The following KLF12 variants were observed in gnomAD, a reference collection of about 807,000 sequenced individuals.
The protein encoded by KLF12 is KLF transcription factor 12, also known as Krueppel-like factor 12.
In KLF12, 9 loss-of-function variants were observed where a neutral mutation model predicts 37.8. The ratio of observed to expected loss-of-function variants is 0.24; its 90% CI spans 0.14 to 0.42. The LOEUF (loss-of-function observed/expected upper bound fraction) is 0.42, where lower values mean the gene tolerates loss of function less well. KLF12 is among the 10% of genes least tolerant of loss of function. The probability of loss-of-function intolerance (pLI) is 1.00; values close to 1 mark genes in which losing one functional copy is unlikely to be tolerated. For synonymous variants in KLF12, 208 were observed against 202.1 expected (o/e 1.03, Z -0.25); for missense variants, 411 against 516.0 (o/e 0.80, Z 1.97).
At chr13:74,254,690 C>T in the KLF12 span, among the ~76,000 whole-genome samples, 36 of 152,062 alleles carry the variant, frequency 2.4e-4, no homozygotes, top group Non-Finnish European at 4.0e-4. Context: ...ATGTGAGGCT[C>T]GGAGCTAGAC....
chr13:73,706,124 T>TA (rs1874927768), intron 7 of KLF12, among the ~76,000 whole-genome samples: 1 of 152,128 alleles, frequency 6.6e-6, no homozygotes, highest in South Asian at 2.1e-4. Flanking sequence ...TGTACTCCTC[T>TA]AGCCTGGCGA....
the KLF12 span, among the ~76,000 whole-genome samples, chr13:74,254,223 A>G: frequency 2.0e-5 from 3 of 152,050 alleles, no homozygotes; most frequent in African/African-American, 7.2e-5. Flanking sequence ...GTCTTTACTG[A>G]TTGGAGTGGA....
At chr13:74,137,267 G>A (rs1240195322), upstream of KLF12, among the ~76,000 whole-genome samples, 1 of 152,140 alleles carries the variant, frequency 6.6e-6, no homozygotes, top group East Asian at 1.9e-4. Flanking sequence ...AATTCAAGAG[G>A]ACCATGTAAA....
chr13:73,783,404 C>T lies in KLF12; in HGVS notation c.807-18404G>A, dbSNP rs1331265717. Among the ~76,000 whole-genome samples, 7 of 151,966 alleles carry T rather than the reference C, an allele frequency of 4.6e-5. No homozygotes were observed. In the East Asian group the frequency reaches 5.8e-4, roughly 13 times the overall value. On this transcript the variant is annotated intron_variant, in intron 5 of 7. Transcript: ENST00000377669. ...ATAAACTAAATAGAATAAGTTCCAG[C>T]GTTTGATAGAGCACAGTAGGGTGAC...
At chr13:73,989,266 A>G (rs1442019940) in intron 2 of KLF12, among the ~76,000 whole-genome samples, 1 of 152,250 alleles carries the variant, frequency 6.6e-6, no homozygotes, top group Non-Finnish European at 1.5e-5. Flanking sequence ...AATACTGTGA[A>G]ATGTGAGAGG....
chr13:74,108,159 A>G (rs748967718), intron 1 of KLF12, among the ~76,000 whole-genome samples: 12 of 152,196 alleles, frequency 7.9e-5, no homozygotes, highest in Non-Finnish European at 1.5e-4. Flanking sequence ...TTATTTTAAC[A>G]TATGTCCCTC....
chr13:73,768,213 T>C (rs1880045492), intron 5 of KLF12, among the ~76,000 whole-genome samples: 1 of 152,158 alleles, frequency 6.6e-6, no homozygotes, highest in African/African-American at 2.4e-5. Flanking sequence ...GAGGTAATAA[T>C]GGGGCCTATT....
chr13:73,808,153 T>C (rs1357304563), intron 5 of KLF12, among the ~76,000 whole-genome samples: 2 of 152,172 alleles, frequency 1.3e-5, no homozygotes, highest in Non-Finnish European at 2.9e-5. Context: ...TGTCAAGTTG[T>C]TAAGGGTAAT....
chr13:74,136,433 A>G (rs533562056), upstream of KLF12, among the ~76,000 whole-genome samples: 37 of 152,306 alleles, frequency 2.4e-4, no homozygotes, highest in South Asian at 4.6e-3. Context: ...ACTTGCCTCT[A>G]CTAGAATCAC....
intron 2 of KLF12, among the ~76,000 whole-genome samples, chr13:73,986,246 C>T (rs1233523665): frequency 6.6e-6 from 1 of 152,140 alleles, no homozygotes; most frequent in Non-Finnish European, 1.5e-5. Flanking sequence ...AAACAATCTA[C>T]TGTTTGCAAA....
chr13:74,223,017 C>T, the KLF12 span, among the ~76,000 whole-genome samples: 1 of 152,160 alleles, frequency 6.6e-6, no homozygotes, highest in Non-Finnish European at 1.5e-5. Flanking sequence ...AAACAAAGTA[C>T]TTTGAATCAA....
chr13:74,074,463 G>A (rs1443831350), intron 1 of KLF12, among the ~76,000 whole-genome samples: 2 of 152,000 alleles, frequency 1.3e-5, no homozygotes, highest in African/African-American at 4.8e-5. Flanking sequence ...CATCTAACTG[G>A]ACTCTGATCT....
At chr13:73,784,129 A>C (rs75026017) in intron 5 of KLF12, among the ~76,000 whole-genome samples, 2,179 of 152,292 alleles carry the variant, frequency 0.014, 57 homozygotes, top group African/African-American at 0.049. Context: ...AATTAAAAGA[A>C]GGAAAAGAAG....
chr13:74,023,371 A>C (rs570633830), intron 1 of KLF12, among the ~76,000 whole-genome samples: 1 of 152,336 alleles, frequency 6.6e-6, no homozygotes, highest in South Asian at 2.1e-4. Context: ...CAGGTGTATT[A>C]GTTTCCTAGG....
intron 7 of KLF12, among the ~76,000 whole-genome samples, chr13:73,699,706 A>G (rs977866079): frequency 6.6e-6 from 1 of 152,336 alleles, no homozygotes; most frequent in Middle Eastern, 3.4e-3. Context: ...AAGTGGGGTT[A>G]CAACATGAGA....
At chr13:73,696,501 T>A (rs1170243227) in intron 7 of KLF12, among the ~76,000 whole-genome samples, 1 of 152,178 alleles carries the variant, frequency 6.6e-6, no homozygotes, top group South Asian at 2.1e-4. Flanking sequence ...GGGACAATAG[T>A]TGACCCAGGT....
intron 4 of KLF12, among the ~76,000 whole-genome samples, chr13:73,841,749 C>T (rs147677909): frequency 2.0e-5 from 3 of 152,102 alleles, no homozygotes; most frequent in Admixed American, 6.6e-5. Flanking sequence ...TTTGCACCAA[C>T]GTAATAACAA....
chr13:74,242,988 G>C, the KLF12 span, among the ~76,000 whole-genome samples: 3 of 152,166 alleles, frequency 2.0e-5, no homozygotes, highest in Non-Finnish European at 2.9e-5. Flanking sequence ...TATGCAGAAC[G>C]TGCAGGATTG....
the KLF12 span, among the ~76,000 whole-genome samples, chr13:74,229,234 AG>A: frequency 6.6e-6 from 1 of 152,208 alleles, no homozygotes; most frequent in Admixed American, 6.5e-5. Flanking sequence ...TGAAATTATA[AG>A]GGGGATAGTC....
Sources: gnomAD v4.1 joint callset for allele counts (sites outside exome capture counted in the v4.1 genomes callset) on GRCh38, gnomAD v4.1.1 for gene constraint, MANE v1.5 for transcripts, NCBI Gene and HGNC (gene_info 2026-07-23, HGNC 2026-07-21) for gene names.